The following SLIT1 variants were observed in gnomAD, a reference collection of about 807,000 sequenced individuals.
The protein encoded by SLIT1 is slit homolog 1 protein.
In SLIT1, 66 loss-of-function variants were observed where a neutral mutation model predicts 186.1. That is an observed-to-expected ratio of 0.35 (90% CI 0.29 to 0.44). The LOEUF (loss-of-function observed/expected upper bound fraction) is 0.44, where lower values mean the gene tolerates loss of function less well. Among genes scored for constraint, SLIT1 ranks in the 20% least tolerant of loss-of-function variants. The pLI, the probability that SLIT1 is intolerant of heterozygous loss-of-function variation, is 1.00. For synonymous variants in SLIT1, 761 were observed against 833.8 expected, an observed-to-expected ratio of 0.91 and a Z score of 1.50; for missense variants, 1,638 against 2,037.4, an observed-to-expected ratio of 0.80 and a Z score of 3.77.
intron 29 of SLIT1, 73 bp downstream of exon 29, chr10:97,013,946 C>T (rs1848432094): frequency 1.3e-6 from 2 of 1,586,558 alleles, no homozygotes; most frequent in Non-Finnish European, 1.7e-6. Context: ...TCCCCTTCCA[C>T]TCCCGAGCAT....
At chr10:97,139,800 A>G (rs2636775) in intron 4 of SLIT1, among the ~76,000 whole-genome samples, 151,210 of 152,300 alleles carry the variant, frequency 0.99, 75,079 homozygotes, top group Middle Eastern at 1. Flanking sequence ...ACTGCATGTC[A>G]GTGTGCACAC....
intron 28 of SLIT1, among the ~76,000 whole-genome samples, chr10:97,015,821 C>T (rs1046434557): frequency 3.3e-5 from 5 of 152,104 alleles, no homozygotes; most frequent in African/African-American, 1.2e-4. Flanking sequence ...TAAGTTTTAA[C>T]TTACGTGTAC....
rs1360759462 is a variant in SLIT1, at chr10:97,037,773, A to G, written c.2298-7T>C. On this transcript the variant is annotated splice_region_variant and splice_polypyrimidine_tract_variant and intron_variant, in intron 21 of 36. Transcript: ENST00000266058. ...CTGGTTCCCGTCCAAATAGCTGCAGAGAGAACACAGCGGCGTTAGTGCCCA... is the reference window on the plus strand; with the variant it reads ...CTGGTTCCCGTCCAAATAGCTGCAGGGAGAACACAGCGGCGTTAGTGCCCA... 1.9e-6 allele frequency: 3 copies of G among 1,600,206 alleles called. No homozygotes were observed. The highest frequency in any genetic ancestry group is 1.7e-6 in the Non-Finnish European group (2 of 1,168,662).
At chr10:97,067,424 C>T (rs997846015) in intron 4 of SLIT1, among the ~76,000 whole-genome samples, 1 of 152,228 alleles carries the variant, frequency 6.6e-6, no homozygotes, top group Admixed American at 6.5e-5. Flanking sequence ...GCCACACTCC[C>T]CCCAGGCCAG....
chr10:97,163,282 T>A, intron 3 of SLIT1, 98 bp downstream of exon 3: 1 of 1,038,218 alleles, frequency 9.6e-7, no homozygotes, highest in Non-Finnish European at 1.5e-6. Flanking sequence ...TGGGGTCCCC[T>A]CCCATGAGTG....
Position 97,043,021 on chromosome 10 carries a change from G to T in SLIT1, c.2044C>A (p.Leu682Ile). 1.2e-6 allele frequency: 2 copies of T among 1,614,208 alleles called. No homozygotes were observed. The highest frequency in any genetic ancestry group is 1.7e-5 in the Admixed American group (1 of 60,018). Residue 682 changes from leucine (L) to isoleucine (I), a missense_variant, in exon 20 of 37, where the codon CTA becomes ATA. By Grantham distance (5) the Leu-to-Ile change is conservative. Around this residue, in one of 3 missense-constraint regions of SLIT1, gnomAD observed 1,245 missense variants for 1,535.3 expected, o/e 0.81. Transcript: ENST00000266058. The surrounding 1 kb of genome is among the most constrained non-coding windows in gnomAD (Gnocchi z 7.0). ...TTGCGCTTCCGTAGCCAGCCTCCTA[G>T]CCAGGCCAGCTGGCAGTTGCAGTTG... ...PFNCNCQLAW[L>I]GGWLRKRKIV...
Position 97,037,689 on chromosome 10 carries a change from G to A in SLIT1, c.2366+9C>T. ...GGCCCTCCTGTCCTCAAGCGGCCTG[G>A]ATACTTACACGAGCTGCAGGTACTT... On this transcript the variant is annotated intron_variant, in intron 22 of 36. Coordinates refer to ENST00000266058, the MANE Select transcript of SLIT1 (RefSeq NM_003061.3). 1.2e-6 allele frequency: 2 copies of A among 1,607,864 alleles called. No individual in the cohort carries two copies. The highest frequency in any genetic ancestry group is 8.5e-7 in the Non-Finnish European group (1 of 1,174,778).
intron 13 of SLIT1, among the ~76,000 whole-genome samples, chr10:97,053,629 A>G (rs1848810976): frequency 6.6e-6 from 1 of 152,206 alleles, no homozygotes; most frequent in Non-Finnish European, 1.5e-5. Context: ...AATATTAATA[A>G]TTAATGCTCA....
At chr10:97,039,166 T>TG (rs1564659320) in intron 21 of SLIT1, among the ~76,000 whole-genome samples, 1 of 151,184 alleles carries the variant, frequency 6.6e-6, no homozygotes, top group Admixed American at 6.6e-5. Context: ...GTCCTGGGGG[T>TG]GGGGGGAGAA....
At chr10:97,033,090 C>T (rs939547146) in intron 23 of SLIT1, among the ~76,000 whole-genome samples, 1 of 151,448 alleles carries the variant, frequency 6.6e-6, no homozygotes, top group Admixed American at 6.6e-5. Flanking sequence ...GCTCTGTCAC[C>T]CAGGATGGGG....
intron 5 of SLIT1, 120 bp from the exon 6 acceptor site, chr10:97,064,996 T>C (rs1848930594): frequency 1.7e-6 from 1 of 588,392 alleles, no homozygotes; most frequent in African/African-American, 1.9e-5. Flanking sequence ...GTTTGTTATG[T>C]GTATATGTGT....
intron 26 of SLIT1, among the ~76,000 whole-genome samples, chr10:97,020,285 C>T (rs1319982815): frequency 6.6e-6 from 1 of 152,130 alleles, no homozygotes; most frequent in African/African-American, 2.4e-5. Flanking sequence ...GGTTCTGTTT[C>T]TTGATCCAGG....
intron 1 of SLIT1, among the ~76,000 whole-genome samples, chr10:97,169,425 A>C (rs1047020892): frequency 1.3e-5 from 2 of 152,206 alleles, no homozygotes; most frequent in South Asian, 4.1e-4. Flanking sequence ...TTCACAACCT[A>C]AGCCAGCCAC....
At chr10:97,040,519 C>T (rs912905216) in intron 20 of SLIT1, among the ~76,000 whole-genome samples, 1 of 152,102 alleles carries the variant, frequency 6.6e-6, no homozygotes, top group Non-Finnish European at 1.5e-5. Flanking sequence ...AGGATGGAGA[C>T]CTGGGCCTCT....
rs1848276771 is a variant in SLIT1, at chr10:96,999,133, G to A, written c.*1979C>T. On this transcript the variant is annotated 3_prime_UTR_variant, in exon 37 of 37. Coordinates refer to ENST00000266058, the MANE Select transcript of SLIT1 (RefSeq NM_003061.3). ...ACGGTGGCCTGGAAACTCAGAGAGG[G>A]ATGCCATGTGGGCCTGGGAGAAGCC... 1 of 152,338 alleles carries A rather than the reference G, an allele frequency of 6.6e-6. No individual in the cohort carries two copies. Among genetic ancestry groups the A allele is most frequent in the African/African-American group, 2.4e-5 (1 of 41,436 alleles). 9.4% of individuals were successfully genotyped at this position (152,338 alleles called of 1,614,324 possible).
At chr10:97,032,982 C>T (rs1192755359) in intron 23 of SLIT1, among the ~76,000 whole-genome samples, 3 of 152,192 alleles carry the variant, frequency 2.0e-5, no homozygotes, top group African/African-American at 7.2e-5. Flanking sequence ...CCAGTGGTTG[C>T]CTGGGTCTCG....
intron 4 of SLIT1, among the ~76,000 whole-genome samples, chr10:97,097,499 T>C (rs537795204): frequency 1.3e-5 from 2 of 152,226 alleles, no homozygotes; most frequent in Non-Finnish European, 2.9e-5. Context: ...GTGAGAACGA[T>C]GCTTCTGTGG....
chr10:97,171,947 C>T (rs1850195124), intron 1 of SLIT1, among the ~76,000 whole-genome samples: 1 of 152,114 alleles, frequency 6.6e-6, no homozygotes, highest in African/African-American at 2.4e-5. Flanking sequence ...TCCTTCCTTC[C>T]TCTTTGCCTA....
intron 4 of SLIT1, among the ~76,000 whole-genome samples, chr10:97,092,147 AG>A (rs527237123): frequency 3.6e-4 from 55 of 152,378 alleles, no homozygotes; most frequent in African/African-American, 1.1e-3. Context: ...ATTGTCAAGC[AG>A]GGTTCTGAGC....
Sources: allele counts gnomAD v4.1 joint callset (sites outside exome capture counted in the v4.1 genomes callset), GRCh38; gene constraint gnomAD v4.1.1; regional missense constraint gnomAD v4.1.1; non-coding constraint Gnocchi (gnomAD v3.1); transcripts MANE v1.5; gene names NCBI Gene and HGNC (gene_info 2026-07-23, HGNC 2026-07-21).